The following ROS1 variants were observed in gnomAD, a reference collection of about 807,000 sequenced individuals.
ROS1 encodes the protein ROS proto-oncogene 1, receptor tyrosine kinase.
In ROS1, 263 loss-of-function variants were observed where a neutral mutation model predicts 273.5. That is an observed-to-expected ratio of 0.96 (90% CI 0.87 to 1.06). ROS1 has a LOEUF of 1.06. Among genes scored for constraint, ROS1 ranks in the 50% least tolerant of loss-of-function variants. The pLI is 0.00. For missense variants in ROS1, 2,833 were observed against 2,751.1 expected (o/e 1.03, Z -0.67); for synonymous variants, 1,008 against 954.1 (o/e 1.06, Z -1.04).
intron 37 of ROS1, among the ~76,000 whole-genome samples, chr6:117,318,532 T>A (rs1210905573): frequency 1.3e-5 from 2 of 152,136 alleles, no homozygotes; most frequent in Non-Finnish European, 2.9e-5. Context: ...TTAGGCCAAT[T>A]TCTTAATTTT....
intron 18 of ROS1, among the ~76,000 whole-genome samples, chr6:117,377,109 AATT>A (rs955726815): frequency 6.6e-6 from 1 of 151,998 alleles, no homozygotes; most frequent in Non-Finnish European, 1.5e-5. Flanking sequence ...TACACAGTCA[AATT>A]ATTATTATTA....
intron 12 of ROS1, 43 bp from the exon 13 acceptor site, chr6:117,389,889 G>A: frequency 6.5e-7 from 1 of 1,547,878 alleles, no homozygotes; most frequent in Non-Finnish European, 8.8e-7. Context: ...TCAGTCCAAA[G>A]GTTGATGAGT....
chr6:117,307,795 T>C (rs1464562706), intron 42 of ROS1, among the ~76,000 whole-genome samples: 1 of 152,158 alleles, frequency 6.6e-6, no homozygotes, highest in Non-Finnish European at 1.5e-5. Context: ...TTGGCTCAAG[T>C]CTGAATAATC....
At chr6:117,304,696 A>T (rs1774974747) in intron 42 of ROS1, among the ~76,000 whole-genome samples, 1 of 152,202 alleles carries the variant, frequency 6.6e-6, no homozygotes, top group Non-Finnish European at 1.5e-5. Context: ...AGGTTGTCAG[A>T]TCAAGAAAAC....
intron 1 of ROS1, among the ~76,000 whole-genome samples, chr6:117,419,094 C>A (rs1348822084): frequency 1.3e-5 from 2 of 152,138 alleles, no homozygotes; most frequent in African/African-American, 4.8e-5. Context: ...TCTGGGCCAT[C>A]AGATAATCAG....
chr6:117,288,788 C>T lies in ROS1; in HGVS notation c.6730G>A (p.Val2244Met), dbSNP rs2128521376. The T allele has an allele frequency of 6.3e-7, 1 of 1,599,236 alleles. No individual in the cohort carries two copies. The highest frequency in any genetic ancestry group is 1.3e-5 in the African/African-American group (1 of 74,272). The change falls in exon 44 of 44, where the codon GTG becomes ATG. Residue 2244 changes from valine (V) to methionine (M), a missense_variant. Coordinates refer to ENST00000368507, the MANE Select transcript of ROS1 (RefSeq NM_001378902.1). Reference sequence around the variant, plus strand: ...ATGTCATCTGAATTCAAACAAATCACATCGCCATCTTCACCTGTGAAAAAA... The same window carrying T: ...ATGTCATCTGAATTCAAACAAATCATATCGCCATCTTCACCTGTGAAAAAA... ...NESFEGEDGD[V>M]ICLNSDDIMP...
At chr6:117,350,205 C>G (rs773606352) in intron 27 of ROS1, among the ~76,000 whole-genome samples, 1 of 151,982 alleles carries the variant, frequency 6.6e-6, no homozygotes, top group Non-Finnish European at 1.5e-5. Context: ...CAATTTTTGT[C>G]TGAGAATGTC....
chr6:117,360,863 A>G (rs1251706286), intron 22 of ROS1, among the ~76,000 whole-genome samples: 1 of 152,292 alleles, frequency 6.6e-6, no homozygotes, highest in East Asian at 1.9e-4. Flanking sequence ...AACAGAAATA[A>G]AACTGTACAA....
At chr6:117,380,785 G>A (rs1158982806) in intron 17 of ROS1, among the ~76,000 whole-genome samples, 1 of 151,974 alleles carries the variant, frequency 6.6e-6, no homozygotes, top group Non-Finnish European at 1.5e-5. Flanking sequence ...AAACCCTTAT[G>A]CTAAATTTTA....
chr6:117,373,739 C>T (rs1337362724), intron 18 of ROS1, among the ~76,000 whole-genome samples: 1 of 152,250 alleles, frequency 6.6e-6, no homozygotes, highest in Non-Finnish European at 1.5e-5. Flanking sequence ...TACCACAGTG[C>T]AGCGGCAGCC....
Position 117,287,691 on chromosome 6 carries a change from G to A in ROS1, c.*801C>T, listed in dbSNP as rs1773535868. Reference sequence around the variant, plus strand: ...TAATCCAGCACTTTGGGAGGCCAAGGCAGGTGGATCCCGAGGTCAGGAGTT... The same window carrying A: ...TAATCCAGCACTTTGGGAGGCCAAGACAGGTGGATCCCGAGGTCAGGAGTT... On this transcript the variant is annotated 3_prime_UTR_variant, in exon 44 of 44. Transcript: ENST00000368507. Among the ~76,000 whole-genome samples the A allele has an allele frequency of 6.6e-6, 1 of 152,174 alleles. No homozygotes were observed. The highest frequency in any genetic ancestry group is 2.1e-4 in the South Asian group (1 of 4,834).
chr6:117,397,284 C>T (rs1773575256), intron 7 of ROS1, among the ~76,000 whole-genome samples, 168 bp from the exon 8 acceptor site: 1 of 151,620 alleles, frequency 6.6e-6, no homozygotes, highest in South Asian at 2.1e-4. Flanking sequence ...GATGTCTAAA[C>T]CAGTTCGCTC....
chr6:117,415,067 C>A (rs1009256675), intron 3 of ROS1, among the ~76,000 whole-genome samples: 2 of 152,166 alleles, frequency 1.3e-5, no homozygotes, highest in African/African-American at 2.4e-5. Context: ...CAAGAGATAA[C>A]AATCTAAAAA....
chr6:117,399,829 C>A (rs1773801796), intron 7 of ROS1, among the ~76,000 whole-genome samples: 1 of 152,156 alleles, frequency 6.6e-6, no homozygotes, highest in African/African-American at 2.4e-5. Context: ...AATATAGTAA[C>A]CTCCCAGCTG....
At chr6:117,341,698 G>C (rs1777942341) in intron 29 of ROS1, 66 bp from the exon 30 acceptor site, 1 of 1,256,874 alleles carries the variant, frequency 8.0e-7, no homozygotes, top group African/African-American at 1.5e-5. Context: ...AAGAAGTAAT[G>C]GAGTTTGGGT....
intron 27 of ROS1, among the ~76,000 whole-genome samples, chr6:117,346,901 C>T (rs901785688): frequency 8.7e-5 from 13 of 149,834 alleles, no homozygotes; most frequent in African/African-American, 2.7e-4. Flanking sequence ...TCTGTCTATT[C>T]GCCACTTCTT....
intron 17 of ROS1, among the ~76,000 whole-genome samples, chr6:117,381,043 A>G (rs970191107): frequency 2.7e-4 from 41 of 152,246 alleles, no homozygotes; most frequent in Non-Finnish European, 2.1e-4. Context: ...GCTTTGCTGG[A>G]TGCAAAATGC....
intron 43 of ROS1, among the ~76,000 whole-genome samples, chr6:117,289,507 C>T (rs1283290377): frequency 2.0e-5 from 3 of 152,122 alleles, no homozygotes; most frequent in Non-Finnish European, 4.4e-5. Context: ...AATGGATCTA[C>T]CTATTTATTA....
At chr6:117,405,282 A>G (rs530825682) in intron 5 of ROS1, among the ~76,000 whole-genome samples, 47 of 152,332 alleles carry the variant, frequency 3.1e-4, no homozygotes, top group African/African-American at 1.1e-3. Flanking sequence ...CGGACCAAAT[A>G]AAGTCTATAC....
Sources: gnomAD v4.1 joint callset for allele counts (sites outside exome capture counted in the v4.1 genomes callset) on GRCh38, gnomAD v4.1.1 for gene constraint, MANE v1.5 for transcripts, NCBI Gene and HGNC (gene_info 2026-07-23, HGNC 2026-07-21) for gene names.